The following ABCA3 variants were observed in gnomAD, a reference collection of about 807,000 sequenced individuals.
ABCA3 encodes phospholipid-transporting ATPase ABCA3.
In ABCA3, 88 loss-of-function variants were observed where a neutral mutation model predicts 172.8. The observed-to-expected ratio is 0.51, with a 90% confidence interval of 0.43 to 0.61. The LOEUF is 0.61. Among genes scored for constraint, ABCA3 ranks in the 20% least tolerant of loss-of-function variants. ABCA3 has a pLI of 0.00. For synonymous variants in ABCA3, 1,066 were observed against 983.8 expected (o/e 1.08, Z -1.56); for missense variants, 2,164 against 2,301.0 (o/e 0.94, Z 1.22).
At chr16:2,300,306 C>G (rs1206102579) in intron 12 of ABCA3, among the ~76,000 whole-genome samples, 158 bp from the exon 13 acceptor site, 1 of 151,600 alleles carries the variant, frequency 6.6e-6, no homozygotes, top group Non-Finnish European at 1.5e-5. Context: ...CCCAGAGAGT[C>G]CCAACTTGTT....
chr16:2,303,895 G>A (rs2093693458), intron 12 of ABCA3, 74 bp downstream of exon 12: 2 of 1,540,910 alleles, frequency 1.3e-6, no homozygotes, highest in South Asian at 2.3e-5. Context: ...ACTCAGAGGG[G>A]TCCCTGAGCA....
At chr16:2,332,728 G>C in intron 1 of ABCA3, 1 of 1,205,984 alleles carries the variant, frequency 8.3e-7, no homozygotes, top group Non-Finnish European at 1.2e-6. Flanking sequence ...GACCCGCACC[G>C]ATTGCCTCCT....
At chr16:2,322,026 C>T (rs556132443) in intron 7 of ABCA3, among the ~76,000 whole-genome samples, 3 of 151,954 alleles carry the variant, frequency 2.0e-5, no homozygotes, top group East Asian at 3.9e-4. Flanking sequence ...GGTGAAACCC[C>T]GTCTCTACTA....
At position 2,287,836 on chromosome 16, in the gene ABCA3, T is replaced by A. The variant is rs1219824046; in HGVS notation, c.3004+190A>T. ...TGCCACCCAGGGGACATCCGCAATG[T>A]TTCCAGGCATGTTTGATGGTCATGA... On this transcript the variant is annotated intron_variant, in intron 21 of 32. Coordinates refer to ENST00000301732, the MANE Select transcript of ABCA3 (RefSeq NM_001089.3). The surrounding 1 kb of genome is among the most constrained non-coding windows in gnomAD (Gnocchi z 4.1). Among the ~76,000 whole-genome samples, 3 of 152,184 alleles carry A rather than the reference T, an allele frequency of 2.0e-5. No individual in the cohort carries two copies. Among genetic ancestry groups the A allele is most frequent in the African/African-American group, 7.2e-5 (3 of 41,444 alleles).
At chr16:2,330,848 A>G (rs34317703) in intron 1 of ABCA3, among the ~76,000 whole-genome samples, 21,747 of 151,544 alleles carry the variant, frequency 0.14, 5,031 homozygotes, top group African/African-American at 0.49. Flanking sequence ...ACAGGCACCC[A>G]CCACAGCGCC....
intron 1 of ABCA3, chr16:2,339,180 T>G (rs953089272): frequency 6.6e-6 from 1 of 152,190 alleles, no homozygotes; most frequent in African/African-American, 2.4e-5. Context: ...AATGGCAAAC[T>G]AGGGATCTTA....
rs747332602 is a variant in ABCA3 at position 2,288,082 on chromosome 16, G to A, written c.2948C>T (p.Ser983Leu). Residue 983 changes from serine (S) to leucine (L), a missense_variant, in exon 21 of 33, where the codon TCA becomes TTA. Ser to Leu is a moderately radical substitution (Grantham distance 145). This residue lies in a region of ABCA3 where 1,343 missense variants were observed against 1,369.6 expected (regional missense o/e 0.98). Coordinates refer to ENST00000301732, the MANE Select transcript of ABCA3 (RefSeq NM_001089.3). ...PGTSQLGQQL[S>L]EHLKDALQAE... is the part of the protein sequence containing the mutation. ...CTGCAGTGCGTCTTTCAGATGCTCTGACAGCTGCTGACCCAGCTGGGAGGT... is the reference window on the plus strand; with the variant it reads ...CTGCAGTGCGTCTTTCAGATGCTCTAACAGCTGCTGACCCAGCTGGGAGGT... 3.7e-6 allele frequency: 6 copies of A among 1,613,294 alleles called. No homozygotes were observed. Among genetic ancestry groups the A allele is most frequent in the Non-Finnish European group, 5.1e-6 (6 of 1,180,018 alleles).
In ABCA3 at chr16:2,295,721, C is replaced by A. The variant is rs757924380; in HGVS notation, c.2283G>T (p.Thr761=). 4 of 1,613,982 alleles carry A rather than the reference C, an allele frequency of 2.5e-6. No individual in the cohort carries two copies. Among genetic ancestry groups the A allele is most frequent in the South Asian group, 2.2e-5 (2 of 91,092 alleles). ...GGTTGCAGTGCGGCTCCTTCACCAGCGTCATGTGATAGCCGGCACCTGGAA... is the reference window on the plus strand; with the variant it reads ...GGTTGCAGTGCGGCTCCTTCACCAGAGTCATGTGATAGCCGGCACCTGGAA... ...KQKYGAGYHM[T]LVKEPHCNPE... Residue 761 remains threonine (T), a synonymous_variant, in exon 18 of 33, where the codon ACG becomes ACT. Transcript: ENST00000301732.
intron 8 of ABCA3, among the ~76,000 whole-genome samples, chr16:2,318,191 C>T (rs1344915929): frequency 6.6e-6 from 1 of 152,214 alleles, no homozygotes; most frequent in South Asian, 2.1e-4. Flanking sequence ...ACAGATCAGA[C>T]CATAGCTGTG....
intron 10 of ABCA3, among the ~76,000 whole-genome samples, chr16:2,313,468 G>T (rs1461398923): frequency 2.7e-5 from 4 of 146,954 alleles, no homozygotes. Context: ...CAGGAGAATT[G>T]CTTGAACCCA....
chr16:2,306,263 T>C (rs571394647), intron 11 of ABCA3, among the ~76,000 whole-genome samples: 1 of 152,140 alleles, frequency 6.6e-6, no homozygotes, highest in Admixed American at 6.6e-5. Flanking sequence ...AGGTCGAGGC[T>C]ACAGTGAGCT....
intron 11 of ABCA3, among the ~76,000 whole-genome samples, chr16:2,305,786 G>A (rs941564065): frequency 2.0e-5 from 3 of 152,116 alleles, no homozygotes; most frequent in Non-Finnish European, 4.4e-5. Flanking sequence ...ATGTTGCCCA[G>A]GCTGGTCTCA....
chr16:2,318,387 G>A (rs1433269763), intron 8 of ABCA3, among the ~76,000 whole-genome samples: 2 of 152,194 alleles, frequency 1.3e-5, no homozygotes, highest in Admixed American at 1.3e-4. Flanking sequence ...AAAAGCGCCT[G>A]GGGAGTCCTG....
intron 18 of ABCA3, among the ~76,000 whole-genome samples, chr16:2,294,532 A>T (rs925506130): frequency 2.0e-5 from 3 of 151,782 alleles, no homozygotes; most frequent in Non-Finnish European, 4.4e-5. Flanking sequence ...CAAAAAAAAT[A>T]AAAAAACTAG....
At chr16:2,296,733 G>C (rs1432307656) in intron 17 of ABCA3, among the ~76,000 whole-genome samples, 1 of 152,328 alleles carries the variant, frequency 6.6e-6, no homozygotes, top group African/African-American at 2.4e-5. Flanking sequence ...CCAGGACAAA[G>C]GCCATCCCCT....
Position 2,326,268 on chromosome 16 carries a change from T to C in ABCA3, c.61A>G (p.Lys21Glu), listed in dbSNP as rs1325162461. The C allele has an allele frequency of 5.6e-6, 9 of 1,613,106 alleles. No individual in the cohort carries two copies. Among genetic ancestry groups the C allele is most frequent in the Non-Finnish European group, 7.6e-6 (9 of 1,180,014 alleles). Reference sequence around the variant, plus strand: ...AGTTCCAGGACCGTCACCAGGACCTTCCGCTTCTGGAAGAGATACAATAGG... The same window carrying C: ...AGTTCCAGGACCGTCACCAGGACCTCCCGCTTCTGGAAGAGATACAATAGG... ...LWKNYTLQKR[K>E]VLVTVLELFL... The change falls in exon 5 of 33, where the codon AAG becomes GAG. Residue 21 changes from lysine to glutamate, a missense_variant. Lys to Glu is a moderately conservative substitution (Grantham distance 56, BLOSUM62 1). Transcript: ENST00000301732.
intron 7 of ABCA3, among the ~76,000 whole-genome samples, chr16:2,322,453 T>C (rs796236661): frequency 4.0e-5 from 6 of 151,838 alleles, no homozygotes; most frequent in African/African-American, 1.4e-4. Context: ...TAGGTATACA[T>C]GTGCCATGCT....
chr16:2,317,244 C>G, intron 10 of ABCA3, 39 bp downstream of exon 10: 1 of 1,612,884 alleles, frequency 6.2e-7, no homozygotes, highest in Non-Finnish European at 8.5e-7. Context: ...GGCCCTTGGC[C>G]CCTTGGCAAC....
At chr16:2,308,673 G>A (rs751772473) in intron 10 of ABCA3, 50 bp from the exon 11 acceptor site, 5 of 1,608,836 alleles carry the variant, frequency 3.1e-6, no homozygotes, top group Non-Finnish European at 4.2e-6. Flanking sequence ...GCCCTCAAAA[G>A]GGGCTTGGGC....
Sources: allele counts gnomAD v4.1 joint callset (sites outside exome capture counted in the v4.1 genomes callset), GRCh38; gene constraint gnomAD v4.1.1; regional missense constraint gnomAD v4.1.1; non-coding constraint Gnocchi (gnomAD v3.1); transcripts MANE v1.5; gene names NCBI Gene and HGNC (gene_info 2026-07-23, HGNC 2026-07-21).